The following OSBPL6 variants were observed in gnomAD, a reference collection of about 807,000 sequenced individuals.
OSBPL6 encodes oxysterol binding protein like 6, also known as oxysterol-binding protein-related protein 6.
OSBPL6 carries 49 observed loss-of-function variants against 125.8 expected under a neutral mutation model. That is an observed-to-expected ratio of 0.39 (90% CI 0.31 to 0.49). The LOEUF is 0.49. Among genes scored for constraint, OSBPL6 ranks in the 20% least tolerant of loss-of-function variants. The pLI is 0.88. For missense variants in OSBPL6, 986 were observed against 1,135.4 expected (o/e 0.87, Z 1.89); for synonymous variants, 394 against 391.8 (o/e 1.01, Z -0.07).
Position 178,285,122 on chromosome 2 carries a change from G to A in OSBPL6, c.-156+1G>A, listed in dbSNP as rs1001755436. On this transcript the variant is annotated splice_donor_variant, in intron 2 of 24. Transcript: ENST00000190611. LOFTEE classifies it low-confidence loss of function (5UTR_SPLICE). ...GAAGACTTTGACTCCAAGGTGCAAG[G>A]TGAGTTAGAAGAACACAAGCTTAAA... The A allele has an allele frequency of 7.3e-5, 29 of 398,316 alleles. No individual in the cohort carries two copies. The highest frequency in any genetic ancestry group is 1.3e-4 in the Non-Finnish European group (29 of 225,952). 24.7% of individuals were successfully genotyped at this position (398,316 alleles called of 1,614,324 possible).
chr2:178,320,163 CTAT>C, intron 3 of OSBPL6: 1 of 1,228,770 alleles, frequency 8.1e-7, no homozygotes, highest in Admixed American at 3.0e-5. Flanking sequence ...AACCATTCAG[CTAT>C]TATTAAGTGT....
Position 178,373,891 on chromosome 2 carries a change from C to A in OSBPL6, c.1397C>A (p.Ala466Asp), listed in dbSNP as rs781773386. The change falls in exon 15 of 25, where the codon GCT (alanine) becomes GAT (aspartate). Residue 466 changes from alanine to aspartate, a missense_variant and splice_region_variant. By Grantham distance (126) the Ala-to-Asp change is moderately radical (BLOSUM62 -2). Coordinates refer to ENST00000190611, the MANE Select transcript of OSBPL6 (RefSeq NM_032523.4). Reference protein sequence around the residue: ...SVNIIPSPDEAGEQIHVSLPL... With the variant: ...SVNIIPSPDEDGEQIHVSLPL... ...ACTGTATGCTTCTGTCTTCTGCAGGCTGGTGAGCAAATCCATGTCAGTCTC... is the reference window on the plus strand; with the variant it reads ...ACTGTATGCTTCTGTCTTCTGCAGGATGGTGAGCAAATCCATGTCAGTCTC... 2 of 1,613,860 alleles carry A rather than the reference C, an allele frequency of 1.2e-6. No individual in the cohort carries two copies. The highest frequency in any genetic ancestry group is 1.7e-6 in the Non-Finnish European group (2 of 1,179,950).
chr2:178,276,921 A>G (rs901019939), intron 1 of OSBPL6, among the ~76,000 whole-genome samples: 5 of 152,194 alleles, frequency 3.3e-5, no homozygotes, highest in Non-Finnish European at 7.3e-5. Flanking sequence ...GGAGTCAGCA[A>G]ACTGCAGTAG....
chr2:178,213,963 A>G (rs1011354720), intron 1 of OSBPL6, among the ~76,000 whole-genome samples: 5 of 152,106 alleles, frequency 3.3e-5, no homozygotes, highest in African/African-American at 1.2e-4. Flanking sequence ...TAGTTCCCCT[A>G]CTAAATATGC....
intron 2 of OSBPL6, among the ~76,000 whole-genome samples, chr2:178,295,697 T>C (rs1048617491): frequency 6.6e-6 from 1 of 152,138 alleles, no homozygotes; most frequent in Non-Finnish European, 1.5e-5. Context: ...ATAGAGCTTT[T>C]TGATTTGTTT....
At chr2:178,245,014 C>T (rs760227998) in intron 1 of OSBPL6, among the ~76,000 whole-genome samples, 50 of 152,254 alleles carry the variant, frequency 3.3e-4, no homozygotes, top group Non-Finnish European at 5.4e-4. Flanking sequence ...GCATATGCTC[C>T]GTTTCAGGGG....
chr2:178,289,689 G>T (rs1016905220), intron 2 of OSBPL6, among the ~76,000 whole-genome samples: 1 of 152,020 alleles, frequency 6.6e-6, no homozygotes, highest in African/African-American at 2.4e-5. Flanking sequence ...ATTTCATTTG[G>T]CTATTGAGTC....
intron 1 of OSBPL6, among the ~76,000 whole-genome samples, chr2:178,211,217 C>G (rs2089844005): frequency 6.6e-6 from 1 of 152,180 alleles, no homozygotes; most frequent in African/African-American, 2.4e-5. Context: ...CTGCAGTTAG[C>G]TATCATTGTA....
intron 1 of OSBPL6, among the ~76,000 whole-genome samples, chr2:178,259,214 T>C (rs1051446590): frequency 1.3e-5 from 2 of 152,154 alleles, no homozygotes; most frequent in Non-Finnish European, 2.9e-5. Context: ...TTTCCCCAAG[T>C]GTACCTGCAT....
At chr2:178,194,421 G>A (rs1265589674), upstream of OSBPL6, 3 of 151,968 alleles carry the variant, frequency 2.0e-5, no homozygotes, top group Admixed American at 6.6e-5. Context: ...GGAACCCGGA[G>A]CGCCGCCCCG....
At chr2:178,374,994 C>A (rs1693731975) in intron 15 of OSBPL6, among the ~76,000 whole-genome samples, 1 of 152,098 alleles carries the variant, frequency 6.6e-6, no homozygotes, top group Admixed American at 6.5e-5. Context: ...CCTGTCAGAT[C>A]CCAAGGCATG....
chr2:178,393,742 T>G (rs563558464), intron 23 of OSBPL6, among the ~76,000 whole-genome samples: 1 of 152,254 alleles, frequency 6.6e-6, no homozygotes, highest in African/African-American at 2.4e-5. Context: ...GTTCCTTTTC[T>G]GAATTTCATT....
intron 4 of OSBPL6, 91 bp downstream of exon 4, chr2:178,324,360 T>A: frequency 2.1e-6 from 2 of 935,298 alleles, no homozygotes; most frequent in East Asian, 2.7e-5. Flanking sequence ...CTGACTCCCC[T>A]AAAATACTTG....
chr2:178,211,664 A>G (rs2089868998), intron 1 of OSBPL6, among the ~76,000 whole-genome samples: 1 of 152,040 alleles, frequency 6.6e-6, no homozygotes. Context: ...CACTCACTAC[A>G]TCTTCATCTT....
intron 3 of OSBPL6, among the ~76,000 whole-genome samples, chr2:178,317,436 CCATATATATATATATA>C (rs1559237481): frequency 1.7e-5 from 1 of 59,886 alleles, no homozygotes; most frequent in Non-Finnish European, 3.0e-5. Context: ...AACTTAGACA[CCATATATATATATATA>C]TATATATATA....
At chr2:178,283,229 C>G (rs1231226834) in intron 1 of OSBPL6, among the ~76,000 whole-genome samples, 1 of 151,990 alleles carries the variant, frequency 6.6e-6, no homozygotes, top group East Asian at 1.9e-4. Context: ...GGAGTTAGAA[C>G]AAAAACTTTT....
chr2:178,229,880 G>C (rs534933303), intron 1 of OSBPL6, among the ~76,000 whole-genome samples: 42 of 152,326 alleles, frequency 2.8e-4, no homozygotes, highest in Admixed American at 2.5e-3. Context: ...TAGCAACTCA[G>C]ACACTCTGGA....
rs374760172 is a variant in OSBPL6, at chr2:178,251,727, C to A, written c.-350-33200C>A. ...CAGAAGTACTATGTTGATTTAAATT[C>A]TAAATTCCTATAACAGTGACAGTTA... On this transcript the variant is annotated intron_variant, in intron 1 of 24. Coordinates refer to ENST00000190611, the MANE Select transcript of OSBPL6 (RefSeq NM_032523.4). Among the ~76,000 whole-genome samples the A allele has an allele frequency of 5.8e-4, 89 of 152,262 alleles. 2 individuals are homozygous for A. The South Asian group carries it at 0.011, about 18-fold the overall frequency.
chr2:178,207,728 G>A (rs909233971), intron 1 of OSBPL6, among the ~76,000 whole-genome samples: 1 of 152,106 alleles, frequency 6.6e-6, no homozygotes, highest in Admixed American at 6.5e-5. Context: ...GTGTTTGTCT[G>A]GGGAGGAGGG....
Sources: allele counts gnomAD v4.1 joint callset (sites outside exome capture counted in the v4.1 genomes callset), GRCh38; gene constraint gnomAD v4.1.1; transcripts MANE v1.5; gene names NCBI Gene and HGNC (gene_info 2026-07-23, HGNC 2026-07-21).